Variants in JMY observed in about 807,000 individuals in gnomAD.
The protein encoded by JMY is junction-mediating and -regulatory protein.
In JMY, 46 loss-of-function variants were observed where a neutral mutation model predicts 103.3. That is an observed-to-expected ratio of 0.45 (90% CI 0.35 to 0.57). The LOEUF (loss-of-function observed/expected upper bound fraction) is 0.57, where lower values mean the gene tolerates loss of function less well. Ranked by LOEUF, JMY falls within the 20% of genes least tolerant of loss-of-function variation. The probability of loss-of-function intolerance (pLI) is 0.00; values close to 1 mark genes in which losing one functional copy is unlikely to be tolerated. For missense variants in JMY, 1,238 were observed against 1,255.2 expected (o/e 0.99, Z 0.21); for synonymous variants, 526 against 489.3 (o/e 1.07, Z -0.99).
chr5:79,297,008 C>T (rs1746582046), intron 4 of JMY, among the ~76,000 whole-genome samples: 1 of 152,182 alleles, frequency 6.6e-6, no homozygotes, highest in Non-Finnish European at 1.5e-5. Flanking sequence ...ACTTCATCCC[C>T]TTACTAGATT....
At chr5:79,270,702 T>C (rs1465269642) in intron 1 of JMY, among the ~76,000 whole-genome samples, 1 of 146,514 alleles carries the variant, frequency 6.8e-6, no homozygotes, top group South Asian at 2.1e-4. Flanking sequence ...TATTTATATA[T>C]TATATATTTA....
chr5:79,269,694 T>C (rs896684213), intron 1 of JMY, among the ~76,000 whole-genome samples: 1 of 152,116 alleles, frequency 6.6e-6, no homozygotes, highest in African/African-American at 2.4e-5. Context: ...AGAAATAACA[T>C]TTGGAATTTT....
intron 8 of JMY, among the ~76,000 whole-genome samples, chr5:79,313,779 A>G (rs1181946533): frequency 6.6e-6 from 1 of 152,240 alleles, no homozygotes; most frequent in Non-Finnish European, 1.5e-5. Flanking sequence ...ATAGGCAAAT[A>G]ATAAATTCAT....
At chr5:79,263,823 G>C (rs1745497790) in intron 1 of JMY, among the ~76,000 whole-genome samples, 1 of 151,204 alleles carries the variant, frequency 6.6e-6, no homozygotes, top group South Asian at 2.1e-4. Context: ...TTGAAACAGA[G>C]TTTCACTCTT....
chr5:79,300,531 A>C (rs1746702098), intron 5 of JMY, 145 bp from the exon 6 acceptor site: 4 of 733,270 alleles, frequency 5.5e-6, no homozygotes, highest in Non-Finnish European at 8.6e-6. Context: ...GAGGTGTATT[A>C]AATAATAATC....
chr5:79,257,099 C>T (rs1368471538), intron 1 of JMY, among the ~76,000 whole-genome samples: 1 of 149,444 alleles, frequency 6.7e-6, no homozygotes, highest in Non-Finnish European at 1.5e-5. Context: ...GATGGAGTCT[C>T]ACTCACTCTG....
intron 3 of JMY, 43 bp from the exon 4 acceptor site, chr5:79,291,087 A>G: frequency 7.2e-7 from 1 of 1,386,454 alleles, no homozygotes. Context: ...TTCAGTATTA[A>G]GTTGTTATTT....
intron 2 of JMY, among the ~76,000 whole-genome samples, chr5:79,278,331 T>A (rs1042825264): frequency 1.3e-5 from 2 of 152,048 alleles, no homozygotes; most frequent in Non-Finnish European, 1.5e-5. Flanking sequence ...GTGTTCAAGT[T>A]AGCACAAAGT....
At chr5:79,315,942 T>A in intron 9 of JMY, 58 bp from the exon 10 acceptor site, 1 of 1,466,470 alleles carries the variant, frequency 6.8e-7, no homozygotes, top group Non-Finnish European at 9.4e-7. Context: ...GGTTATACAG[T>A]TTCATTCTAA....
rs951879823 is a variant in JMY, at chr5:79,325,789, G to A, written c.*4187G>A. 5 of 152,102 alleles carry A rather than the reference G, an allele frequency of 3.3e-5. No homozygotes were observed. The highest frequency in any genetic ancestry group is 5.9e-5 in the Non-Finnish European group (4 of 68,004). The allele number at this position is 152,102 out of a possible 1,614,324, so 9.4% of individuals were successfully genotyped here. On this transcript the variant is annotated 3_prime_UTR_variant, in exon 11 of 11. Transcript: ENST00000396137. Reference sequence around the variant, plus strand: ...TTATCCGATATAGTGTAATTTAAAAGTTTTCCTACAAAGTGAGTTTATATT... The same window carrying A: ...TTATCCGATATAGTGTAATTTAAAAATTTTCCTACAAAGTGAGTTTATATT...
chr5:79,290,083 G>A, intron 2 of JMY, 38 bp from the exon 3 acceptor site: 1 of 1,500,714 alleles, frequency 6.7e-7, no homozygotes, highest in African/African-American at 1.4e-5. Flanking sequence ...GTAGAAGAAA[G>A]ACTTGAACTT....
At chr5:79,281,159 C>T (rs922142577) in intron 2 of JMY, among the ~76,000 whole-genome samples, 8 of 151,578 alleles carry the variant, frequency 5.3e-5, no homozygotes, top group African/African-American at 1.9e-4. Context: ...ATTCTCCTGC[C>T]TCAGCTTCCC....
At chr5:79,263,461 T>C (rs1004502127) in intron 1 of JMY, among the ~76,000 whole-genome samples, 3 of 152,104 alleles carry the variant, frequency 2.0e-5, no homozygotes, top group Non-Finnish European at 4.4e-5. Flanking sequence ...TAGCGTGATC[T>C]CAACTCACTG....
intron 1 of JMY, among the ~76,000 whole-genome samples, chr5:79,263,694 T>A (rs989966670): frequency 1.3e-5 from 2 of 151,878 alleles, no homozygotes; most frequent in South Asian, 2.1e-4. Context: ...AATTTTTTTT[T>A]ATAGAGTCTT....
chr5:79,250,794 G>T (rs1385347763), intron 1 of JMY, among the ~76,000 whole-genome samples: 1 of 150,152 alleles, frequency 6.7e-6, no homozygotes, highest in East Asian at 1.9e-4. Flanking sequence ...TTTCTGATTA[G>T]TATTTTCATA....
At chr5:79,279,488 C>T (rs1746046249) in intron 2 of JMY, among the ~76,000 whole-genome samples, 1 of 151,916 alleles carries the variant, frequency 6.6e-6, no homozygotes, top group African/African-American at 2.4e-5. Context: ...GTCTTTTTAC[C>T]TAATAGGTTA....
intron 1 of JMY, among the ~76,000 whole-genome samples, chr5:79,253,362 G>T (rs1414201172): frequency 6.6e-6 from 1 of 151,672 alleles, no homozygotes; most frequent in Non-Finnish European, 1.5e-5. Flanking sequence ...GCGCAATCTC[G>T]GGTCACTACA....
At chr5:79,277,838 G>A (rs1375690542) in intron 1 of JMY, 72 bp from the exon 2 acceptor site, 2 of 1,389,826 alleles carry the variant, frequency 1.4e-6, no homozygotes, top group Middle Eastern at 1.9e-4. Flanking sequence ...GCATGATAGG[G>A]AGAGTTCAAA....
Position 79,307,012 on chromosome 5 carries a change from T to A in JMY, c.1968+551T>A, listed in dbSNP as rs1229409086. Among the ~76,000 whole-genome samples the A allele has an allele frequency of 7.2e-5, 11 of 152,248 alleles. No individual in the cohort carries two copies. The East Asian group carries it at 1.5e-3, about 21-fold the overall frequency. On this transcript the variant is annotated intron_variant, in intron 7 of 10. Coordinates refer to ENST00000396137, the MANE Select transcript of JMY (RefSeq NM_152405.5). ...AATGTATAGTTGGAATGATACAGTA[T>A]GTAACCTATTCAGTTGGCCTCTTTA... is the stretch of plus-strand genomic sequence containing the variant.
Sources: allele counts gnomAD v4.1 joint callset (sites outside exome capture counted in the v4.1 genomes callset), GRCh38; gene constraint gnomAD v4.1.1; transcripts MANE v1.5; gene names NCBI Gene and HGNC (gene_info 2026-07-23, HGNC 2026-07-21).